SLC31A1: variants seen among roughly 807,000 people sequenced by gnomAD.
SLC31A1 encodes the protein solute carrier family 31 member 1.
SLC31A1 carries 5 observed loss-of-function variants against 17.2 expected under a neutral mutation model. The ratio of observed to expected loss-of-function variants is 0.29; its 90% CI spans 0.15 to 0.61. The LOEUF is 0.61. Ranked by LOEUF, SLC31A1 falls within the 20% of genes least tolerant of loss-of-function variation. The pLI is 0.86. For missense variants in SLC31A1, 161 were observed against 241.4 expected (o/e 0.67, Z 2.21); for synonymous variants, 76 against 78.8 (o/e 0.96, Z 0.19).
rs1213379452 is a variant in SLC31A1, at chr9:113,260,373, G to T, written c.473G>T (p.Gly158Val). Residue 158 changes from glycine to valine, a missense_variant, in exon 5 of 5, where the codon GGG (glycine) becomes GTG (valine). Physicochemically the swap from Gly to Val is moderately radical, Grantham distance 109. Transcript: ENST00000374212. ...FLMLIFMTYN[G>V]YLCIAVAAGA... ...ATGCTCATCTTCATGACCTACAACGGGTACCTCTGCATTGCAGTAGCAGCA... is the reference window on the plus strand; with the variant it reads ...ATGCTCATCTTCATGACCTACAACGTGTACCTCTGCATTGCAGTAGCAGCA... The T allele has an allele frequency of 6.2e-7, 1 of 1,613,992 alleles. No homozygotes were observed. Among genetic ancestry groups the T allele is most frequent in the African/African-American group, 1.3e-5 (1 of 74,960 alleles).
intron 1 of SLC31A1, among the ~76,000 whole-genome samples, chr9:113,253,238 AGCCACCGC>A (rs1184853484): frequency 6.6e-6 from 1 of 152,048 alleles, no homozygotes; most frequent in Admixed American, 6.6e-5. Flanking sequence ...TACAAGCGTG[AGCCACCGC>A]GCCTGGCCAA....
chr9:113,231,798 A>T (rs75105103), intron 1 of SLC31A1, among the ~76,000 whole-genome samples: 2 of 151,714 alleles, frequency 1.3e-5, no homozygotes, highest in Non-Finnish European at 2.9e-5. Flanking sequence ...ATTAGTGTTG[A>T]TTTTTTTTTA....
chr9:113,243,492 G>A (rs1831543517), intron 1 of SLC31A1, among the ~76,000 whole-genome samples: 1 of 150,734 alleles, frequency 6.6e-6, no homozygotes, highest in African/African-American at 2.4e-5. Context: ...GAGTGATGTA[G>A]AAAGATGAAA....
chr9:113,223,338 AAAAAG>A (rs1831307012), intron 1 of SLC31A1: 6 of 391,338 alleles, frequency 1.5e-5, no homozygotes, highest in East Asian at 7.4e-5. Context: ...AAAAAAAAAA[AAAAAG>A]AAAGCCACTG....
chr9:113,223,386 A>G, intron 1 of SLC31A1: 3 of 339,668 alleles, frequency 8.8e-6, no homozygotes, highest in East Asian at 1.6e-4. Flanking sequence ...CAGATTGGTA[A>G]TACTGGACTA....
intron 4 of SLC31A1, 73 bp from the exon 5 acceptor site, chr9:113,260,199 A>C: frequency 7.6e-7 from 1 of 1,320,010 alleles, no homozygotes; most frequent in Non-Finnish European, 1.1e-6. Context: ...CATGGCAAGA[A>C]CTCTTCCCTC....
chr9:113,255,414 C>T (rs1275597516), intron 1 of SLC31A1, among the ~76,000 whole-genome samples: 1 of 152,168 alleles, frequency 6.6e-6, no homozygotes, highest in Admixed American at 6.5e-5. Context: ...ATTAAGCATA[C>T]CTATTAAAGG....
intron 1 of SLC31A1, chr9:113,227,241 A>G (rs1357436982): frequency 6.6e-6 from 1 of 151,762 alleles, no homozygotes; most frequent in Non-Finnish European, 1.5e-5. Context: ...ATATTGAACA[A>G]TTTTTTTCTT....
chr9:113,245,113 G>A (rs1029633477), intron 1 of SLC31A1, among the ~76,000 whole-genome samples: 1 of 152,096 alleles, frequency 6.6e-6, no homozygotes, highest in African/African-American at 2.4e-5. Flanking sequence ...GTATACCTAC[G>A]ATCACTGTAC....
chr9:113,258,972 T>A lies in SLC31A1; in HGVS notation c.371+110T>A. On this transcript the variant is annotated intron_variant, in intron 4 of 4. Transcript: ENST00000374212. This position sits in a 1 kb window ranked among gnomAD's most constrained non-coding sequence, Gnocchi z 4.8. ...CTCTTCTTGAGTTAGGAGTTCTGTA[T>A]GACCTTGATCAAAACTGTCCTTGGA... The A allele has an allele frequency of 4.3e-6, 5 of 1,163,086 alleles. No individual in the cohort carries two copies. In the South Asian group the frequency reaches 6.3e-5, roughly 15 times the overall value. The allele number at this position is 1,163,086 out of a possible 1,614,324, so 72.0% of individuals were successfully genotyped here.
At chr9:113,234,192 T>C (rs1831429746) in intron 1 of SLC31A1, among the ~76,000 whole-genome samples, 1 of 152,076 alleles carries the variant, frequency 6.6e-6, no homozygotes, top group Non-Finnish European at 1.5e-5. Context: ...ATTTGTCTTT[T>C]TGTTTGACTT....
rs574764848 is a variant in SLC31A1, at chr9:113,244,180, G to T, written c.-35-11934G>T. Among the ~76,000 whole-genome samples, 5 of 114,474 alleles carry T rather than the reference G, an allele frequency of 4.4e-5. No individual in the cohort carries two copies. In the East Asian group the frequency reaches 8.7e-4, roughly 20 times the overall value. The allele number at this position is 114,474 out of a possible 152,430, so 75.1% of individuals were successfully genotyped here. A position where few individuals can be genotyped will look rare whatever the true frequency, so the allele number is the denominator to read the frequency against. On this transcript the variant is annotated intron_variant, in intron 1 of 4. Transcript: ENST00000374212. ...CAAAAAAAAAAAAAAAAAAAAAAAA[G>T]GCTATTCCTACTACTTCATAGCTTC...
rs1341676804 is a variant in SLC31A1, at chr9:113,261,799, G to A, written c.*1326G>A. 1 of 152,622 alleles carries A rather than the reference G, an allele frequency of 6.6e-6. No individual in the cohort carries two copies. Among genetic ancestry groups the A allele is most frequent in the Non-Finnish European group, 1.5e-5 (1 of 68,044 alleles). 9.5% of individuals were successfully genotyped at this position (152,622 alleles called of 1,614,324 possible). On this transcript the variant is annotated 3_prime_UTR_variant, in exon 5 of 5. Transcript: ENST00000374212. ...ACACTTTTGAGAATCTGTGCTTTAA[G>A]CTAAGGAAATATTGCCTGGTGGGTT...
chr9:113,231,234 T>A (rs531515871), intron 1 of SLC31A1, among the ~76,000 whole-genome samples: 58 of 152,212 alleles, frequency 3.8e-4, no homozygotes, highest in African/African-American at 1.3e-3. Flanking sequence ...CACACACCTA[T>A]CTTTCTGGCT....
intron 1 of SLC31A1, among the ~76,000 whole-genome samples, chr9:113,250,416 A>G (rs1831635746): frequency 6.7e-6 from 1 of 150,298 alleles, no homozygotes; most frequent in Non-Finnish European, 1.5e-5. Context: ...TTCTCAGTAA[A>G]CTATCGCAAG....
At chr9:113,236,304 A>C (rs1350824014) in intron 1 of SLC31A1, among the ~76,000 whole-genome samples, 1 of 151,226 alleles carries the variant, frequency 6.6e-6, no homozygotes, top group Non-Finnish European at 1.5e-5. Flanking sequence ...TTCAGAGTGC[A>C]TTTCGACAAG....
chr9:113,258,957 G>A lies in SLC31A1; in HGVS notation c.371+95G>A. 7.6e-7 allele frequency: 1 copy of A among 1,313,494 alleles called. No homozygotes were observed. Among genetic ancestry groups the A allele is most frequent in the East Asian group, 2.3e-5 (1 of 43,320 alleles). 81.4% of individuals were successfully genotyped at this position (1,313,494 alleles called of 1,614,324 possible). A position where few individuals can be genotyped will look rare whatever the true frequency, so the allele number is the denominator to read the frequency against. On this transcript the variant is annotated intron_variant, in intron 4 of 4. Transcript: ENST00000374212. The surrounding 1 kb of genome is among the most constrained non-coding windows in gnomAD (Gnocchi z 4.8). ...TGATCAGCAGCAGCCCTCTTCTTGA[G>A]TTAGGAGTTCTGTATGACCTTGATC... is the stretch of plus-strand genomic sequence containing the variant.
rs1017947895 is a variant in SLC31A1, at chr9:113,263,580, T to C, written c.*3107T>C. ...AGTTTTTTTAATCGCATGTCTAGTA[T>C]ATTAAGTCTCCATAGCCCTCCTGAT... is the stretch of plus-strand genomic sequence containing the variant. On this transcript the variant is annotated 3_prime_UTR_variant, in exon 5 of 5. Transcript: ENST00000374212. 6.5e-6 allele frequency: 1 copy of C among 152,680 alleles called. No homozygotes were observed. The highest frequency in any genetic ancestry group is 2.4e-5 in the African/African-American group (1 of 41,452). 9.5% of individuals were successfully genotyped at this position (152,680 alleles called of 1,614,324 possible).
chr9:113,223,347 G>A (rs563113476), intron 1 of SLC31A1: 16 of 378,946 alleles, frequency 4.2e-5, no homozygotes, highest in South Asian at 2.7e-4. Flanking sequence ...AAAAAAGAAA[G>A]CCACTGTCTT....
Sources: allele counts gnomAD v4.1 joint callset (sites outside exome capture counted in the v4.1 genomes callset), GRCh38; gene constraint gnomAD v4.1.1; non-coding constraint Gnocchi (gnomAD v3.1); transcripts MANE v1.5; gene names NCBI Gene and HGNC (gene_info 2026-07-23, HGNC 2026-07-21).